FAM222B: variants seen among roughly 807,000 people sequenced by gnomAD.
FAM222B encodes the protein protein FAM222B.
FAM222B carries 12 observed loss-of-function variants against 38.0 expected under a neutral mutation model. The observed-to-expected ratio is 0.32, with a 90% CI of 0.20 to 0.51. FAM222B has a LOEUF of 0.51. FAM222B is among the 20% of genes least tolerant of loss of function. The probability of loss-of-function intolerance (pLI) is 0.97; values close to 1 mark genes in which losing one functional copy is unlikely to be tolerated. For synonymous variants in FAM222B, 329 were observed against 317.2 expected (o/e 1.04, Z -0.40); for missense variants, 716 against 754.2 (o/e 0.95, Z 0.59).
In FAM222B at chr17:28,756,284, A is replaced by T. The variant is rs1253472356; in HGVS notation, c.*1986T>A. The T allele has an allele frequency of 3.3e-5, 5 of 152,736 alleles. No individual in the cohort carries two copies. The highest frequency in any genetic ancestry group is 1.2e-4 in the African/African-American group (5 of 41,426). The allele number at this position is 152,736 out of a possible 1,614,324, so 9.5% of individuals were successfully genotyped here. A position where few individuals can be genotyped will look rare whatever the true frequency, so the allele number is the denominator to read the frequency against. Reference sequence around the variant, plus strand: ...CAGTTGGGGGCAGGGGGATCACAGTACATTTTCCATGCAGACTAAGGGTGG... The same window carrying T: ...CAGTTGGGGGCAGGGGGATCACAGTTCATTTTCCATGCAGACTAAGGGTGG... On this transcript the variant is annotated 3_prime_UTR_variant, in exon 3 of 3. Coordinates refer to ENST00000581407, the MANE Select transcript of FAM222B (RefSeq NM_001077498.3).
At chr17:28,762,970 T>A (rs897406105) in intron 2 of FAM222B, among the ~76,000 whole-genome samples, 18 of 151,932 alleles carry the variant, frequency 1.2e-4, no homozygotes, top group Admixed American at 9.2e-4. Context: ...TCAACACTTA[T>A]CACAGCCCCC....
chr17:28,786,486 G>A (rs1054855418), intron 1 of FAM222B, among the ~76,000 whole-genome samples: 3 of 152,108 alleles, frequency 2.0e-5, no homozygotes, highest in Non-Finnish European at 4.4e-5. Flanking sequence ...AGCAATCCTA[G>A]CACAGAAAAC....
chr17:28,801,314 G>A (rs1221314402), intron 1 of FAM222B, among the ~76,000 whole-genome samples: 6 of 151,202 alleles, frequency 4.0e-5, no homozygotes, highest in East Asian at 3.9e-4. Flanking sequence ...TTAGCCGGGC[G>A]ATGTGGCGGG....
intron 2 of FAM222B, among the ~76,000 whole-genome samples, chr17:28,762,540 T>A (rs112435621): frequency 6.7e-6 from 1 of 148,282 alleles, no homozygotes; most frequent in Non-Finnish European, 1.5e-5. Context: ...GGCAGGAGAA[T>A]TGCTTGAACC....
rs200350361 is a variant in FAM222B, at chr17:28,758,952, G to A, written c.1007C>T (p.Ala336Val). ...PMEHTHAATAALPAAGPVNLP... is the reference protein window; with the variant it reads ...PMEHTHAATAVLPAAGPVNLP... The stretch of plus-strand genomic sequence containing the variant: ...GTTGACAGGACCTGCAGCAGGCAAC[G>A]CGGCGGTGGCCGCGTGGGTGTGCTC... The change falls in exon 3 of 3, where the codon GCG becomes GTG. Residue 336 changes from alanine to valine, a missense_variant. By Grantham distance (64) the Ala-to-Val change is moderately conservative. Transcript: ENST00000581407. 14 of 1,610,498 alleles carry A rather than the reference G, an allele frequency of 8.7e-6. No homozygotes were observed. Among genetic ancestry groups the A allele is most frequent in the African/African-American group, 8.0e-5 (6 of 75,034 alleles).
intron 1 of FAM222B, among the ~76,000 whole-genome samples, chr17:28,830,506 C>A (rs886663207): frequency 1.3e-5 from 2 of 152,108 alleles, no homozygotes; most frequent in African/African-American, 2.4e-5. Context: ...AATTGGCGAA[C>A]ATTTCTCCCA....
Position 28,757,327 on chromosome 17 carries a change from C to T in FAM222B, c.*943G>A, listed in dbSNP as rs759106376. 4 of 152,556 alleles carry T rather than the reference C, an allele frequency of 2.6e-5. No individual in the cohort carries two copies. Among genetic ancestry groups the T allele is most frequent in the East Asian group, 1.9e-4 (1 of 5,178 alleles). The allele number at this position is 152,556 out of a possible 1,614,324, so 9.5% of individuals were successfully genotyped here. Reference sequence around the variant, plus strand: ...TCATACAGAAACGTAACGTTTAAAACTTACAGTGTAGAGCAATATTCTTAG... The same window carrying T: ...TCATACAGAAACGTAACGTTTAAAATTTACAGTGTAGAGCAATATTCTTAG... On this transcript the variant is annotated 3_prime_UTR_variant, in exon 3 of 3. Transcript: ENST00000581407.
intron 1 of FAM222B, among the ~76,000 whole-genome samples, chr17:28,788,794 C>T (rs1394056187): frequency 2.6e-5 from 4 of 151,768 alleles, no homozygotes; most frequent in Middle Eastern, 3.2e-3. Flanking sequence ...CAGGCTGGAG[C>T]GCAGTGATGC....
chr17:28,765,700 TGAA>T (rs1459580938), intron 2 of FAM222B, among the ~76,000 whole-genome samples: 1 of 152,186 alleles, frequency 6.6e-6, no homozygotes, highest in Non-Finnish European at 1.5e-5. Flanking sequence ...CGGGAAAATA[TGAA>T]GTATAAAACC....
At chr17:28,763,360 G>A (rs957333902) in intron 2 of FAM222B, among the ~76,000 whole-genome samples, 2 of 152,216 alleles carry the variant, frequency 1.3e-5, no homozygotes, top group African/African-American at 2.4e-5. Context: ...AGCAGATGTG[G>A]CTGAGTCTGA....
intron 1 of FAM222B, among the ~76,000 whole-genome samples, chr17:28,831,827 CT>C (rs1462364369): frequency 6.6e-6 from 1 of 151,954 alleles, no homozygotes; most frequent in Admixed American, 6.6e-5. Context: ...ATGTCAAAGA[CT>C]TTTTAAACTT....
intron 1 of FAM222B, among the ~76,000 whole-genome samples, chr17:28,823,146 CA>C (rs2038323570): frequency 6.6e-6 from 1 of 151,500 alleles, no homozygotes; most frequent in South Asian, 2.1e-4. Context: ...AACTGGGTGC[CA>C]AAACCTGTTA....
At chr17:28,840,733 G>C (rs984391159) in intron 1 of FAM222B, among the ~76,000 whole-genome samples, 14 of 152,062 alleles carry the variant, frequency 9.2e-5, no homozygotes, top group African/African-American at 3.4e-4. Flanking sequence ...GGGGCGGGCG[G>C]ATCACCTGAG....
chr17:28,799,765 C>T (rs927001649), intron 1 of FAM222B, among the ~76,000 whole-genome samples: 6 of 152,062 alleles, frequency 3.9e-5, no homozygotes, highest in African/African-American at 1.4e-4. Flanking sequence ...ATTGCCACCA[C>T]ACTCAGGTAA....
At chr17:28,792,260 C>T (rs1416594769) in intron 1 of FAM222B, among the ~76,000 whole-genome samples, 4 of 146,550 alleles carry the variant, frequency 2.7e-5, no homozygotes, top group South Asian at 2.1e-4. Flanking sequence ...TGCAGTGAGC[C>T]GAGATTGCGC....
At chr17:28,778,509 C>CTT (rs1275396963) in intron 1 of FAM222B, among the ~76,000 whole-genome samples, 2 of 135,064 alleles carry the variant, frequency 1.5e-5, no homozygotes, top group African/African-American at 2.7e-5. Flanking sequence ...CCCACCCCCG[C>CTT]TTTTTTTTTT....
intron 1 of FAM222B, among the ~76,000 whole-genome samples, chr17:28,842,037 T>TTCACATTA (rs1233333127): frequency 7.2e-5 from 11 of 152,186 alleles, no homozygotes; most frequent in Non-Finnish European, 1.5e-4. Context: ...ATCAACATAG[T>TTCACATTA]ACTTACAATT....
upstream of FAM222B, among the ~76,000 whole-genome samples, chr17:28,846,821 C>T (rs1480333243): frequency 6.6e-6 from 1 of 152,054 alleles, no homozygotes; most frequent in Non-Finnish European, 1.5e-5. Flanking sequence ...AACGTGGTGT[C>T]TCATGCCTGT....
At chr17:28,818,094 G>A (rs780170251) in intron 1 of FAM222B, among the ~76,000 whole-genome samples, 8 of 152,116 alleles carry the variant, frequency 5.3e-5, no homozygotes, top group Non-Finnish European at 7.4e-5. Flanking sequence ...GGTGTAGGGG[G>A]TGGTTTATAC....
Sources: gnomAD v4.1 joint callset for allele counts (sites outside exome capture counted in the v4.1 genomes callset) on GRCh38, gnomAD v4.1.1 for gene constraint, MANE v1.5 for transcripts, NCBI Gene and HGNC (gene_info 2026-07-23, HGNC 2026-07-21) for gene names.